Variants in HYLS1 observed in about 807,000 individuals in gnomAD.
HYLS1 encodes the protein HYLS1 centriolar and ciliogenesis associated.
HYLS1 carries 25 observed loss-of-function variants against 29.4 expected under a neutral mutation model. The observed-to-expected ratio is 0.85, with a 90% CI of 0.62 to 1.19. The LOEUF is 1.19. HYLS1 is among the 50% of genes most tolerant of loss of function. The pLI is 0.00. For missense variants in HYLS1, 352 were observed against 365.1 expected (o/e 0.96, Z 0.29); for synonymous variants, 128 against 126.7 (o/e 1.01, Z -0.07).
intron 1 of HYLS1, among the ~76,000 whole-genome samples, chr11:125,890,480 TC>T (rs1285903355): frequency 2.6e-5 from 4 of 152,220 alleles, no homozygotes; most frequent in African/African-American, 9.7e-5. Context: ...CTTGCTTACC[TC>T]CCCAGAGGTG....
chr11:125,893,526 C>T (rs896308818), intron 2 of HYLS1: 8 of 317,232 alleles, frequency 2.5e-5, no homozygotes, highest in Non-Finnish European at 4.6e-5. Flanking sequence ...ATACAAGGCA[C>T]AGGTTTCCAG....
chr11:125,885,104 A>C (rs762204375), upstream of HYLS1, among the ~76,000 whole-genome samples: 25 of 152,328 alleles, frequency 1.6e-4, no homozygotes, highest in Non-Finnish European at 2.9e-4. Flanking sequence ...AGATCCTTCA[A>C]GCTGCTATGT....
chr11:125,886,572 ATTTTTTTT>A (rs68098484), upstream of HYLS1, among the ~76,000 whole-genome samples: 2,365 of 117,388 alleles, frequency 0.02, 80 homozygotes, highest in African/African-American at 0.067. Flanking sequence ...CAAGCACTAG[ATTTTTTTT>A]TTTTTTTTTT....
chr11:125,900,316 T>G lies in HYLS1; in HGVS notation c.*48T>G, dbSNP rs1944732367. ...GGATTGTTTGAGATAACCTAGCTCTTTATATCTTCCCTTTTAAATAGAAAC... is the reference window on the plus strand; with the variant it reads ...GGATTGTTTGAGATAACCTAGCTCTGTATATCTTCCCTTTTAAATAGAAAC... On this transcript the variant is annotated 3_prime_UTR_variant, in exon 3 of 3. Coordinates refer to ENST00000425380, the MANE Select transcript of HYLS1 (RefSeq NM_001134793.2). The G allele has an allele frequency of 1.9e-6, 3 of 1,554,260 alleles. No homozygotes were observed. Among genetic ancestry groups the G allele is most frequent in the Non-Finnish European group, 2.7e-6 (3 of 1,126,652 alleles).
intron 2 of HYLS1, chr11:125,893,676 T>A (rs2134238711): frequency 7.7e-6 from 6 of 779,982 alleles, no homozygotes; most frequent in East Asian, 5.8e-5. Context: ...TTTTTTCTTT[T>A]AAGAGCTGAT....
At position 125,893,937 on chromosome 11, in the gene HYLS1, G is replaced by A. The variant is rs148155223; in HGVS notation, c.-26+2465G>A. 2.9e-5 allele frequency: 46 copies of A among 1,613,926 alleles called. No individual in the cohort carries two copies. The highest frequency in any genetic ancestry group is 1.7e-4 in the African/African-American group (13 of 74,874). ...TGTGGGTGCTCAATTCGTCCCCTAC[G>A]TACAAAATGCTGGATCCGGGATTCC... On this transcript the variant is annotated intron_variant, in intron 2 of 2. Coordinates refer to ENST00000425380, the MANE Select transcript of HYLS1 (RefSeq NM_001134793.2).
At chr11:125,886,415 T>G (rs1944305636), upstream of HYLS1, among the ~76,000 whole-genome samples, 1 of 152,128 alleles carries the variant, frequency 6.6e-6, no homozygotes. Flanking sequence ...AAGATGAACT[T>G]GACAACTAGC....
intron 2 of HYLS1, chr11:125,893,343 T>C (rs1415248783): frequency 1.9e-5 from 3 of 154,130 alleles, no homozygotes; most frequent in African/African-American, 7.2e-5. Context: ...TTAAACCAAT[T>C]TATCCAATCT....
chr11:125,885,424 C>CT (rs1335028041), upstream of HYLS1, among the ~76,000 whole-genome samples: 1 of 151,626 alleles, frequency 6.6e-6, no homozygotes, highest in Non-Finnish European at 1.5e-5. Context: ...GCACCCCAGC[C>CT]TGGGCTACAG....
chr11:125,899,200 G>C, intron 2 of HYLS1, 144 bp from the exon 3 acceptor site: 1 of 625,956 alleles, frequency 1.6e-6, no homozygotes, highest in Non-Finnish European at 2.8e-6. Context: ...CCTCTAAACT[G>C]TTCTGATACT....
At chr11:125,894,351 TAAGGG>T in intron 2 of HYLS1, 1 of 1,386,642 alleles carries the variant, frequency 7.2e-7, no homozygotes, top group South Asian at 1.4e-5. Context: ...CTTTAAAAAC[TAAGGG>T]TTAGTTGCGT....
intron 1 of HYLS1, among the ~76,000 whole-genome samples, chr11:125,890,750 C>T (rs1187638838): frequency 1.3e-5 from 2 of 152,094 alleles, no homozygotes; most frequent in Admixed American, 1.3e-4. Flanking sequence ...AAGGATTGTT[C>T]GATCTTTTAT....
Position 125,900,343 on chromosome 11 carries a change from A to G in HYLS1, c.*75A>G. The G allele has an allele frequency of 7.0e-7, 1 of 1,432,840 alleles. No individual in the cohort carries two copies. Among genetic ancestry groups the G allele is most frequent in the Non-Finnish European group, 9.8e-7 (1 of 1,019,784 alleles). The allele number at this position is 1,432,840 out of a possible 1,614,324, so 88.8% of individuals were successfully genotyped here. On this transcript the variant is annotated 3_prime_UTR_variant, in exon 3 of 3. Transcript: ENST00000425380. Reference sequence around the variant, plus strand: ...ATATCTTCCCTTTTAAATAGAAACAACTGTCTTGAGAAGCTCTTCGAAACA... The same window carrying G: ...ATATCTTCCCTTTTAAATAGAAACAGCTGTCTTGAGAAGCTCTTCGAAACA...
chr11:125,899,058 T>C (rs780056493), intron 2 of HYLS1: 15 of 328,904 alleles, frequency 4.6e-5, no homozygotes, highest in Non-Finnish European at 7.9e-5. Context: ...CCATATCATG[T>C]AGTTTCAAGC....
At chr11:125,893,809 G>C (rs752730965) in intron 2 of HYLS1, 50 of 1,611,190 alleles carry the variant, frequency 3.1e-5, no homozygotes, top group Non-Finnish European at 4.2e-5. Context: ...TAATTTCTGT[G>C]TCAACACAGA....
intron 1 of HYLS1, 79 bp from the exon 2 acceptor site, chr11:125,891,341 CAAT>C (rs1399486072): frequency 6.6e-6 from 1 of 151,838 alleles, no homozygotes; most frequent in Non-Finnish European, 1.5e-5. Context: ...AGTATCCTAA[CAAT>C]GACTTATGGT....
At chr11:125,894,189 G>C (rs1375571945) in intron 2 of HYLS1, 1 of 1,614,040 alleles carries the variant, frequency 6.2e-7, no homozygotes, top group Admixed American at 1.7e-5. Flanking sequence ...AGTTGTTGTA[G>C]GTGGGTAATA....
intron 2 of HYLS1, chr11:125,895,568 A>AG (rs1388452565): frequency 6.2e-7 from 1 of 1,614,246 alleles, no homozygotes; most frequent in Admixed American, 1.7e-5. Context: ...AATCAGCACG[A>AG]GGGAAAAAAT....
chr11:125,894,682 T>TA (rs1003203145), intron 2 of HYLS1, among the ~76,000 whole-genome samples: 6 of 152,228 alleles, frequency 3.9e-5, no homozygotes, highest in Non-Finnish European at 8.8e-5. Flanking sequence ...CTTTCTTTCC[T>TA]ACCATTTTGG....
Sources: gnomAD v4.1 joint callset for allele counts (sites outside exome capture counted in the v4.1 genomes callset) on GRCh38, gnomAD v4.1.1 for gene constraint, MANE v1.5 for transcripts, NCBI Gene and HGNC (gene_info 2026-07-23, HGNC 2026-07-21) for gene names.